ST6GALNAC3: variants seen among roughly 807,000 people sequenced by gnomAD.
ST6GALNAC3 encodes alpha-N-acetylgalactosaminide alpha-2,6-sialyltransferase 3.
Under a neutral mutation model 32.7 loss-of-function variants are expected in ST6GALNAC3, and 25 were observed. The ratio of observed to expected loss-of-function variants is 0.76; its 90% CI spans 0.56 to 1.07. The LOEUF is 1.07. Ranked by LOEUF, ST6GALNAC3 falls within the 50% of genes least tolerant of loss-of-function variation. ST6GALNAC3 has a pLI of 0.00. For missense variants in ST6GALNAC3, 355 were observed against 382.4 expected, an observed-to-expected ratio of 0.93 and a Z score of 0.60; for synonymous variants, 129 against 133.1, an observed-to-expected ratio of 0.97 and a Z score of 0.21.
At chr1:76,174,676 C>CT (rs1203468032) in intron 1 of ST6GALNAC3, among the ~76,000 whole-genome samples, 17 of 89,002 alleles carry the variant, frequency 1.9e-4, no homozygotes, top group South Asian at 4.2e-4. Context: ...TTTTTTTTTT[C>CT]TTTTTTTTGA....
At position 76,137,967 on chromosome 1, in the gene ST6GALNAC3, C is replaced by T. The variant is rs551929414; in HGVS notation, c.18+63083C>T. ...CCTCACTGTAACTACTATTGCATAACTTCAACAACAAACCTTCATTCTGTT... is the reference window on the plus strand; with the variant it reads ...CCTCACTGTAACTACTATTGCATAATTTCAACAACAAACCTTCATTCTGTT... On this transcript the variant is annotated intron_variant, in intron 1 of 4. Transcript: ENST00000328299. Among the ~76,000 whole-genome samples, 9 of 152,352 alleles carry T rather than the reference C, an allele frequency of 5.9e-5. No homozygotes were observed. In the South Asian group the frequency reaches 1.9e-3, roughly 32 times the overall value.
chr1:76,427,203 C>T (rs1442038983), intron 3 of ST6GALNAC3, among the ~76,000 whole-genome samples: 1 of 151,916 alleles, frequency 6.6e-6, no homozygotes, highest in Non-Finnish European at 1.5e-5. Context: ...TTCTCAAGTC[C>T]CACCTCTTGT....
At chr1:76,576,553 G>A (rs1205860512) in intron 3 of ST6GALNAC3, among the ~76,000 whole-genome samples, 1 of 152,022 alleles carries the variant, frequency 6.6e-6, no homozygotes, top group Non-Finnish European at 1.5e-5. Context: ...AAGAAGAGCT[G>A]AAATATTAGC....
intron 1 of ST6GALNAC3, among the ~76,000 whole-genome samples, chr1:76,308,678 T>C (rs1266253377): frequency 6.6e-6 from 1 of 152,138 alleles, no homozygotes; most frequent in Admixed American, 6.6e-5. Context: ...ATGGAATAAG[T>C]CAAACAACTT....
chr1:76,482,629 C>G (rs184515703), intron 3 of ST6GALNAC3, among the ~76,000 whole-genome samples: 154 of 152,250 alleles, frequency 1.0e-3, no homozygotes, highest in African/African-American at 3.4e-3. Flanking sequence ...CATGAGGAAA[C>G]TGAGGTTCAG....
Position 76,631,568 on chromosome 1 carries a change from A to C in ST6GALNAC3, c.*2762A>C, listed in dbSNP as rs909841265. 4 of 152,086 alleles carry C rather than the reference A, an allele frequency of 2.6e-5. No homozygotes were observed. Among genetic ancestry groups the C allele is most frequent in the Non-Finnish European group, 5.9e-5 (4 of 67,984 alleles). 9.4% of individuals were successfully genotyped at this position (152,086 alleles called of 1,614,324 possible). ...AACTATTTTGCCATGCACATTTCTGATCAATTCCCACAGATTCTGGTCAAA... is the reference window on the plus strand; with the variant it reads ...AACTATTTTGCCATGCACATTTCTGCTCAATTCCCACAGATTCTGGTCAAA... On this transcript the variant is annotated 3_prime_UTR_variant, in exon 5 of 5. Transcript: ENST00000328299.
chr1:76,376,664 T>C (rs1270761830), intron 2 of ST6GALNAC3, among the ~76,000 whole-genome samples: 1 of 152,232 alleles, frequency 6.6e-6, no homozygotes, highest in Non-Finnish European at 1.5e-5. Context: ...TGTTGGATTG[T>C]TGTTTTTATC....
At chr1:76,328,298 C>T (rs1319737811) in intron 2 of ST6GALNAC3, among the ~76,000 whole-genome samples, 2 of 152,182 alleles carry the variant, frequency 1.3e-5, no homozygotes, top group Non-Finnish European at 2.9e-5. Flanking sequence ...AATTGGGGAA[C>T]TTCACGAATG....
intron 2 of ST6GALNAC3, among the ~76,000 whole-genome samples, chr1:76,315,078 A>G (rs561640544): frequency 6.7e-6 from 1 of 150,066 alleles, no homozygotes. Flanking sequence ...TTAGAATTTT[A>G]TAGTTGAAAA....
At position 76,571,809 on chromosome 1, in the gene ST6GALNAC3, T is replaced by G. The variant is rs192255999; in HGVS notation, c.624-55643T>G. ...CTTTGTACTATTGGGTTCCAATGGT[T>G]TGTAAGCTAGTGATTTATGCACATA... On this transcript the variant is annotated intron_variant, in intron 3 of 4. Coordinates refer to ENST00000328299, the MANE Select transcript of ST6GALNAC3 (RefSeq NM_152996.4). Among the ~76,000 whole-genome samples, 599 of 152,178 alleles carry G rather than the reference T, an allele frequency of 3.9e-3. 2 individuals carry two copies. Among genetic ancestry groups the G allele is most frequent in the Non-Finnish European group, 6.4e-3 (438 of 67,948 alleles).
chr1:76,394,400 T>C (rs182951581), intron 2 of ST6GALNAC3, among the ~76,000 whole-genome samples: 3 of 152,358 alleles, frequency 2.0e-5, no homozygotes, highest in Admixed American at 2.0e-4. Flanking sequence ...TATTAAACTT[T>C]CAAAGTCCTG....
At chr1:76,398,159 CA>C (rs66555658) in intron 2 of ST6GALNAC3, among the ~76,000 whole-genome samples, 53,273 of 151,078 alleles carry the variant, frequency 0.35, 10,116 homozygotes, top group Middle Eastern at 0.45. Context: ...TGATTTCCTA[CA>C]AAAAAAAAGA....
At chr1:76,343,028 G>T (rs1373227118) in intron 2 of ST6GALNAC3, among the ~76,000 whole-genome samples, 1 of 152,052 alleles carries the variant, frequency 6.6e-6, no homozygotes, top group Non-Finnish European at 1.5e-5. Flanking sequence ...TAGGTCGTCT[G>T]TTTACTCTGT....
intron 1 of ST6GALNAC3, among the ~76,000 whole-genome samples, chr1:76,171,828 AAAAC>A (rs1652527328): frequency 6.7e-6 from 1 of 148,502 alleles, no homozygotes; most frequent in Non-Finnish European, 1.5e-5. Context: ...AAAAAAAAAA[AAAAC>A]AAGAAAAAAA....
At position 76,145,127 on chromosome 1, in the gene ST6GALNAC3, C is replaced by T. The variant is rs994584637; in HGVS notation, c.18+70243C>T. ...GCTGCTCAGAGTAGAGAGCCTGTCACCAACCCTCACACTGTTATTACAGTT... is the reference window on the plus strand; with the variant it reads ...GCTGCTCAGAGTAGAGAGCCTGTCATCAACCCTCACACTGTTATTACAGTT... On this transcript the variant is annotated intron_variant, in intron 1 of 4. Coordinates refer to ENST00000328299, the MANE Select transcript of ST6GALNAC3 (RefSeq NM_152996.4). Among the ~76,000 whole-genome samples, 2 of 152,170 alleles carry T rather than the reference C, an allele frequency of 1.3e-5. 1 individual carries two copies. Among genetic ancestry groups the T allele is most frequent in the Admixed American group, 1.3e-4 (2 of 15,270 alleles).
rs1196712113 is a variant in ST6GALNAC3 at position 76,525,789 on chromosome 1, GTGTATATATATA to G, written c.624-101661_624-101650del. On this transcript the variant is annotated intron_variant, in intron 3 of 4. Coordinates refer to ENST00000328299, the MANE Select transcript of ST6GALNAC3 (RefSeq NM_152996.4). ...TGTGTGTTTGTGTGTGTGTGTGTGT[GTGTATATATATA>G]TATATATATATATATATATATATAT... is the stretch of plus-strand genomic sequence containing the variant. Among the ~76,000 whole-genome samples the G allele has an allele frequency of 1.9e-3, 111 of 58,936 alleles. 2 individuals are homozygous for G. The highest frequency in any genetic ancestry group is 4.6e-3 in the African/African-American group (93 of 20,414). The allele number at this position is 58,936 out of a possible 152,430, so 38.7% of individuals were successfully genotyped here.
chr1:76,523,819 A>G (rs1258059940), intron 3 of ST6GALNAC3, among the ~76,000 whole-genome samples: 6 of 152,088 alleles, frequency 3.9e-5, no homozygotes, highest in Non-Finnish European at 8.8e-5. Context: ...AGCCTCTTCA[A>G]TTCTCCAATT....
chr1:76,424,321 G>A (rs1655229214), intron 3 of ST6GALNAC3, among the ~76,000 whole-genome samples: 1 of 151,754 alleles, frequency 6.6e-6, no homozygotes, highest in African/African-American at 2.4e-5. Context: ...TGGCAGTTCT[G>A]TCATCTGGAA....
intron 2 of ST6GALNAC3, among the ~76,000 whole-genome samples, chr1:76,341,111 G>T (rs115923384): frequency 3.3e-5 from 5 of 151,376 alleles, no homozygotes; most frequent in African/African-American, 1.2e-4. Context: ...TACATTGCGC[G>T]ATACGGAGAT....
Sources: allele counts gnomAD v4.1 joint callset (sites outside exome capture counted in the v4.1 genomes callset), GRCh38; gene constraint gnomAD v4.1.1; transcripts MANE v1.5; gene names NCBI Gene and HGNC (gene_info 2026-07-23, HGNC 2026-07-21).